Variants in YJU2B observed in about 807,000 individuals in gnomAD.
YJU2B encodes the protein probable splicing factor YJU2B.
A neutral mutation model predicts 38.0 loss-of-function variants in YJU2B; 18 were observed. The observed-to-expected ratio is 0.47, with a 90% CI of 0.33 to 0.70. The LOEUF (loss-of-function observed/expected upper bound fraction) is 0.70. YJU2B is among the 30% of genes least tolerant of loss of function. The probability of loss-of-function intolerance (pLI) is 0.02; values close to 1 mark genes in which losing one functional copy is unlikely to be tolerated. For synonymous variants in YJU2B, 246 were observed against 225.4 expected (o/e 1.09, Z -0.82); for missense variants, 538 against 556.3 (o/e 0.97, Z 0.33).
At chr19:13,749,275 A>T (rs557674361) in intron 1 of YJU2B, among the ~76,000 whole-genome samples, 114 of 152,350 alleles carry the variant, frequency 7.5e-4, no homozygotes, top group Admixed American at 9.8e-4. Context: ...AAGTGCTGGG[A>T]TTACAGGCGT....
intron 6 of YJU2B, 67 bp from the exon 7 acceptor site, chr19:13,758,801 A>G (rs1973764524): frequency 9.6e-6 from 15 of 1,565,364 alleles, no homozygotes; most frequent in Non-Finnish European, 1.3e-5. Context: ...GGAAGCAGGC[A>G]GAGGCGACAG....
chr19:13,744,942 G>A (rs1348982446), upstream of YJU2B, among the ~76,000 whole-genome samples: 1 of 151,216 alleles, frequency 6.6e-6, no homozygotes, highest in African/African-American at 2.4e-5. Flanking sequence ...GCAGTGAGCC[G>A]AGATCATGCC....
chr19:13,756,451 G>A (rs1973671785), intron 4 of YJU2B, among the ~76,000 whole-genome samples, 172 bp downstream of exon 4: 1 of 152,178 alleles, frequency 6.6e-6, no homozygotes, highest in African/African-American at 2.4e-5. Context: ...ATTTATTATT[G>A]CTCACATGTC....
intron 8 of YJU2B, among the ~76,000 whole-genome samples, chr19:13,760,753 C>G (rs937058867): frequency 1.3e-5 from 2 of 151,868 alleles, no homozygotes; most frequent in Non-Finnish European, 1.5e-5. Flanking sequence ...GCCATCACAC[C>G]TGGCTAATGT....
chr19:13,754,362 C>T lies in YJU2B; in HGVS notation c.57+20C>T. The T allele has an allele frequency of 6.2e-7, 1 of 1,603,176 alleles. No individual in the cohort carries two copies. Among genetic ancestry groups the T allele is most frequent in the South Asian group, 1.1e-5 (1 of 90,878 alleles). ...GAGAAGGTAAGCAGGCTCTCCGCTC[C>T]AGGTCCACAGTAGCAAAAAGACCCA... On this transcript the variant is annotated intron_variant, in intron 3 of 9. Transcript: ENST00000221554.
intron 2 of YJU2B, among the ~76,000 whole-genome samples, chr19:13,734,404 C>T (rs1972893049): frequency 6.6e-6 from 1 of 151,944 alleles, no homozygotes; most frequent in African/African-American, 2.4e-5. Context: ...GATTCTCCTG[C>T]CTCACCCTCC....
In YJU2B at chr19:13,750,730, C is replaced by T. The variant is rs373970853; in HGVS notation, c.-201-878C>T. On this transcript the variant is annotated intron_variant, in intron 1 of 9. Transcript: ENST00000221554. The stretch of plus-strand genomic sequence containing the variant: ...CAAAAAAATTAGCCAGGCTTGGTGG[C>T]GGGTACCTGTAATCCCAGCTACTCA... Among the ~76,000 whole-genome samples, 375 of 151,918 alleles carry T rather than the reference C, an allele frequency of 2.5e-3. 3 individuals are homozygous for T. Among genetic ancestry groups the T allele is most frequent in the Middle Eastern group, 0.014 (4 of 294 alleles).
chr19:13,755,359 A>G (rs1346863350), intron 3 of YJU2B, among the ~76,000 whole-genome samples: 1 of 150,972 alleles, frequency 6.6e-6, no homozygotes, highest in Non-Finnish European at 1.5e-5. Flanking sequence ...TACTTGGGAG[A>G]CTGAGACAGG....
At chr19:13,733,506 G>T (rs931047591) in intron 2 of YJU2B, among the ~76,000 whole-genome samples, 2 of 152,044 alleles carry the variant, frequency 1.3e-5, no homozygotes, top group Non-Finnish European at 2.9e-5. Flanking sequence ...TAGATCACCT[G>T]AGGTCAGGAG....
chr19:13,744,337 G>A (rs1197063502), upstream of YJU2B, among the ~76,000 whole-genome samples: 1 of 152,214 alleles, frequency 6.6e-6, no homozygotes, highest in African/African-American at 2.4e-5. Context: ...AGGAAACTTG[G>A]AACAAAAGGG....
chr19:13,750,857 C>CAAAAA (rs908775840), intron 1 of YJU2B, among the ~76,000 whole-genome samples: 1 of 61,996 alleles, frequency 1.6e-5, no homozygotes, highest in East Asian at 4.6e-4. Flanking sequence ...GACTCCGTCT[C>CAAAAA]AAAAAAAAAA....
In YJU2B at chr19:13,757,369, G is replaced by A. The variant is rs575036358; in HGVS notation, c.141-49G>A. ...CAGAGTCGCAGGTGTGGAGACCCAG[G>A]GAGTGTCCAAGTGGACAAGTGCAAG... On this transcript the variant is annotated intron_variant, in intron 4 of 9. Coordinates refer to ENST00000221554, the MANE Select transcript of YJU2B (RefSeq NM_030818.4). 2.0e-4 allele frequency: 306 copies of A among 1,528,958 alleles called. No homozygotes were observed. In the South Asian group the frequency reaches 3.1e-3, roughly 16 times the overall value. 94.7% of individuals were successfully genotyped at this position (1,528,958 alleles called of 1,614,324 possible).
At chr19:13,755,474 A>T (rs905151489) in intron 3 of YJU2B, among the ~76,000 whole-genome samples, 26 of 130,768 alleles carry the variant, frequency 2.0e-4, no homozygotes, top group South Asian at 4.7e-4. Context: ...AAAAAAAAAA[A>T]AAAATAAGGT....
chr19:13,741,457 A>AT (rs1361682496), intron 2 of YJU2B, among the ~76,000 whole-genome samples: 1 of 150,734 alleles, frequency 6.6e-6, no homozygotes, highest in African/African-American at 2.4e-5. Flanking sequence ...CTGGCCAGAA[A>AT]TTTTTTTTTA....
chr19:13,758,747 T>C, intron 6 of YJU2B, 121 bp from the exon 7 acceptor site: 2 of 1,201,114 alleles, frequency 1.7e-6, no homozygotes, highest in Non-Finnish European at 2.4e-6. Context: ...CGGCACACAG[T>C]GGGTGCTCAG....
intron 2 of YJU2B, among the ~76,000 whole-genome samples, chr19:13,742,119 C>T (rs963742638): frequency 5.9e-5 from 9 of 152,052 alleles, no homozygotes; most frequent in African/African-American, 1.9e-4. Context: ...ACCTTTCTGT[C>T]GCCTCCCCAA....
intron 9 of YJU2B, 65 bp downstream of exon 9, chr19:13,762,502 C>A: frequency 6.3e-7 from 1 of 1,584,864 alleles, no homozygotes; most frequent in African/African-American, 1.3e-5. Context: ...ATGGGGGGTC[C>A]TCAGCCATGA....
At chr19:13,752,381 G>T (rs1973502508) in intron 2 of YJU2B, among the ~76,000 whole-genome samples, 1 of 151,586 alleles carries the variant, frequency 6.6e-6, no homozygotes, top group Non-Finnish European at 1.5e-5. Flanking sequence ...GCCAAGGCAG[G>T]CAAATCATTT....
chr19:13,748,825 C>T (rs573057204), intron 1 of YJU2B, among the ~76,000 whole-genome samples: 29 of 152,202 alleles, frequency 1.9e-4, no homozygotes, highest in African/African-American at 7.0e-4. Flanking sequence ...ATTTTGTTGG[C>T]AAAAGTATTT....
Sources: allele counts gnomAD v4.1 joint callset (sites outside exome capture counted in the v4.1 genomes callset), GRCh38; gene constraint gnomAD v4.1.1; transcripts MANE v1.5; gene names NCBI Gene and HGNC (gene_info 2026-07-23, HGNC 2026-07-21).